Variants in RBFOX2 observed in about 807,000 individuals in gnomAD.
RBFOX2 encodes the protein RNA binding fox-1 homolog 2, also known as RNA binding protein fox-1 homolog 2.
RBFOX2 carries 10 observed loss-of-function variants against 49.1 expected under a neutral mutation model. That is an observed-to-expected ratio of 0.20 (90% CI 0.13 to 0.35). The LOEUF is 0.35. Among genes scored for constraint, RBFOX2 ranks in the 10% least tolerant of loss-of-function variants. The pLI, the probability that RBFOX2 is intolerant of heterozygous loss-of-function variation, is 1.00. For missense variants in RBFOX2, 323 were observed against 486.9 expected (o/e 0.66, Z 3.17); for synonymous variants, 183 against 187.4 (o/e 0.98, Z 0.19).
At chr22:35,956,921 G>A (rs2055629758) in intron 1 of RBFOX2, among the ~76,000 whole-genome samples, 1 of 152,206 alleles carries the variant, frequency 6.6e-6, no homozygotes, top group Non-Finnish European at 1.5e-5. Context: ...CAGGAACACT[G>A]AAGTGAAACT....
chr22:36,020,527 A>G (rs2059203792), intron 1 of RBFOX2, among the ~76,000 whole-genome samples: 1 of 152,242 alleles, frequency 6.6e-6, no homozygotes, highest in Non-Finnish European at 1.5e-5. Flanking sequence ...TCCAGAATCT[A>G]CAATGAACTC....
chr22:35,914,012 A>G (rs1244328516), intron 1 of RBFOX2, among the ~76,000 whole-genome samples: 1 of 152,126 alleles, frequency 6.6e-6, no homozygotes, highest in Non-Finnish European at 1.5e-5. Context: ...GTGAAAGAGG[A>G]GACAGTAATG....
chr22:35,925,360 A>T (rs1168039346), intron 1 of RBFOX2, among the ~76,000 whole-genome samples: 1 of 152,174 alleles, frequency 6.6e-6, no homozygotes, highest in African/African-American at 2.4e-5. Context: ...CTTTACTAAA[A>T]ATAAAACATT....
chr22:35,946,290 T>C (rs1017494862), intron 1 of RBFOX2, among the ~76,000 whole-genome samples: 3 of 152,346 alleles, frequency 2.0e-5, no homozygotes, highest in Non-Finnish European at 4.4e-5. Context: ...CTTCAGACTC[T>C]ACTAGTTATA....
intron 1 of RBFOX2, among the ~76,000 whole-genome samples, chr22:35,884,929 T>C (rs116361084): frequency 0.016 from 2,388 of 152,218 alleles, 62 homozygotes; most frequent in African/African-American, 0.055. Context: ...TCAGACCCAG[T>C]GCCTCCTATC....
At chr22:35,944,256 T>G (rs2054021236) in intron 1 of RBFOX2, among the ~76,000 whole-genome samples, 1 of 152,124 alleles carries the variant, frequency 6.6e-6, no homozygotes, top group East Asian at 1.9e-4. Flanking sequence ...TGGAGGTGAG[T>G]GATAACTTCA....
At chr22:35,884,815 G>A (rs2046364749) in intron 1 of RBFOX2, among the ~76,000 whole-genome samples, 1 of 152,190 alleles carries the variant, frequency 6.6e-6, no homozygotes, top group South Asian at 2.1e-4. Flanking sequence ...CTAGCTGAAT[G>A]TATTACAACA....
chr22:36,013,036 T>C (rs998630065), intron 1 of RBFOX2, among the ~76,000 whole-genome samples: 9 of 152,152 alleles, frequency 5.9e-5, no homozygotes, highest in Admixed American at 1.3e-4. Flanking sequence ...AATGCTGGGA[T>C]TACAGGTGTG....
At chr22:35,822,733 C>T (rs1410198472) in intron 1 of RBFOX2, 5 of 398,378 alleles carry the variant, frequency 1.3e-5, no homozygotes, top group Middle Eastern at 3.6e-4. Flanking sequence ...GTGCCAATAT[C>T]TAACACACAC....
intron 11 of RBFOX2, 57 bp downstream of exon 13, chr22:35,745,866 A>T: frequency 6.6e-7 from 1 of 1,519,188 alleles, no homozygotes; most frequent in Non-Finnish European, 9.1e-7. Context: ...TCTGTAGTCT[A>T]CGGGTAAAAG....
intron 1 of RBFOX2, among the ~76,000 whole-genome samples, chr22:35,897,100 T>C (rs565825431): frequency 1.5e-4 from 23 of 152,350 alleles, no homozygotes; most frequent in African/African-American, 4.6e-4. Flanking sequence ...GAGTCTTTTA[T>C]TACTCGACAC....
upstream of RBFOX2, among the ~76,000 whole-genome samples, chr22:35,962,041 T>C (rs1220066841): frequency 6.6e-6 from 1 of 152,180 alleles, no homozygotes; most frequent in African/African-American, 2.4e-5. Flanking sequence ...AGGAGAATTT[T>C]TAAAAAGAGA....
chr22:35,876,235 ATTT>A (rs564147854), intron 1 of RBFOX2, among the ~76,000 whole-genome samples: 2 of 151,716 alleles, frequency 1.3e-5, no homozygotes. Context: ...AAATTTTTTT[ATTT>A]TTTTTGAGAT....
upstream of RBFOX2, chr22:35,840,721 G>T: frequency 1.5e-6 from 1 of 646,568 alleles, no homozygotes; most frequent in Non-Finnish European, 1.9e-6. Flanking sequence ...TGCGATGATG[G>T]AATTAATTAT....
At chr22:36,028,562 G>A (rs2059540945) in exon 1 of RBFOX2, 1 of 808,032 alleles carries the variant, frequency 1.2e-6, no homozygotes, top group Non-Finnish European at 1.5e-6. Flanking sequence ...GTGCGCGCGA[G>A]CGGACTCCGC....
At chr22:35,939,157 T>C (rs772298450), upstream of RBFOX2, 10 of 641,758 alleles carry the variant, frequency 1.6e-5, no homozygotes, top group African/African-American at 1.6e-4. Context: ...TCCTTTCCAG[T>C]ATATCTTAGG....
chr22:35,784,810 C>T (rs1439005627), intron 2 of RBFOX2, among the ~76,000 whole-genome samples: 1 of 152,038 alleles, frequency 6.6e-6, no homozygotes, highest in Non-Finnish European at 1.5e-5. Flanking sequence ...CGTGAGAGGG[C>T]CCGGGGGCCG....
intron 1 of RBFOX2, among the ~76,000 whole-genome samples, chr22:35,932,930 GATC>G (rs2052599361): frequency 6.6e-6 from 1 of 152,136 alleles, no homozygotes; most frequent in Non-Finnish European, 1.5e-5. Context: ...ATAAAATTTA[GATC>G]ATAAGTTATT....
At chr22:35,971,271 T>C (rs2056855999) in intron 1 of RBFOX2, among the ~76,000 whole-genome samples, 1 of 152,180 alleles carries the variant, frequency 6.6e-6, no homozygotes, top group African/African-American at 2.4e-5. Context: ...GGCACACAGC[T>C]ACACAGGGCC....
Sources: allele counts gnomAD v4.1 joint callset (sites outside exome capture counted in the v4.1 genomes callset), GRCh38; gene constraint gnomAD v4.1.1; transcripts MANE v1.5; gene names NCBI Gene and HGNC (gene_info 2026-07-23, HGNC 2026-07-21).